SNX20: variants seen among roughly 807,000 people sequenced by gnomAD.
SNX20 encodes the protein sorting nexin 20.
SNX20 carries 21 observed loss-of-function variants against 24.5 expected under a neutral mutation model. The ratio of observed to expected loss-of-function variants is 0.86; its 90% CI spans 0.61 to 1.23. The LOEUF is 1.23. Among genes scored for constraint, SNX20 ranks in the 50% most tolerant of loss-of-function variants. SNX20 has a pLI of 0.00. For synonymous variants in SNX20, 206 were observed against 192.8 expected, an observed-to-expected ratio of 1.07 and a Z score of -0.57; for missense variants, 433 against 430.8, an observed-to-expected ratio of 1.00 and a Z score of -0.04.
chr16:50,669,197 T>C, downstream of SNX20: 4 of 861,746 alleles, frequency 4.6e-6, no homozygotes, highest in South Asian at 5.7e-5. Flanking sequence ...GTCAGTCCAT[T>C]TTGCATTGCT....
downstream of SNX20, chr16:50,669,015 C>T: frequency 6.4e-7 from 1 of 1,551,376 alleles, no homozygotes; most frequent in Non-Finnish European, 8.7e-7. Context: ...AATTTGGATG[C>T]AGGGTTATTC....
Position 50,673,291 on chromosome 16 carries a change from A to G in SNX20, c.*115T>C, listed in dbSNP as rs1381276630. 1 of 1,379,236 alleles carries G rather than the reference A, an allele frequency of 7.3e-7. No homozygotes were observed. Among genetic ancestry groups the G allele is most frequent in the African/African-American group, 1.5e-5 (1 of 66,406 alleles). 85.4% of individuals were successfully genotyped at this position (1,379,236 alleles called of 1,614,324 possible). On this transcript the variant is annotated 3_prime_UTR_variant, in exon 4 of 4. Coordinates refer to ENST00000330943, the MANE Select transcript of SNX20 (RefSeq NM_182854.4). The surrounding 1 kb of genome is among the most constrained non-coding windows in gnomAD (Gnocchi z 4.1). Reference sequence around the variant, plus strand: ...ACTTCAGTCTGGGTGACAGAGCAAGACTGTCTCAAATAACAAAAAAGAAAA... The same window carrying G: ...ACTTCAGTCTGGGTGACAGAGCAAGGCTGTCTCAAATAACAAAAAAGAAAA...
chr16:50,668,325 C>G, downstream of SNX20: 7 of 1,280,964 alleles, frequency 5.5e-6, no homozygotes, highest in Non-Finnish European at 7.1e-6. Context: ...TTGCAGGTCT[C>G]TAATGCTTAT....
chr16:50,678,825 C>T lies in SNX20; in HGVS notation c.-9-1290G>A, dbSNP rs540319558. Among the ~76,000 whole-genome samples the T allele has an allele frequency of 2.3e-4, 35 of 152,298 alleles. No individual in the cohort carries two copies. The South Asian group carries it at 2.9e-3, about 13-fold the overall frequency. ...AAATTGGGGATAATAACAGAACCCA[C>T]GTTCACAAGGCTGGGGTGAGGATTC... On this transcript the variant is annotated intron_variant, in intron 1 of 3. Coordinates refer to ENST00000330943, the MANE Select transcript of SNX20 (RefSeq NM_182854.4).
rs1180605223 is a variant in SNX20 at position 50,671,762 on chromosome 16, T to G, written c.*1644A>C. On this transcript the variant is annotated 3_prime_UTR_variant, in exon 4 of 4. Transcript: ENST00000330943. ...TTTTCCCTGGAGTAGATTGGGAGAT[T>G]TGAGGGATATCTGTCCAAAGATGAG... is the stretch of plus-strand genomic sequence containing the variant. 6.6e-6 allele frequency: 1 copy of G among 152,176 alleles called. No individual in the cohort carries two copies. Among genetic ancestry groups the G allele is most frequent in the Non-Finnish European group, 1.5e-5 (1 of 68,034 alleles). The allele number at this position is 152,176 out of a possible 1,614,324, so 9.4% of individuals were successfully genotyped here. A position where few individuals can be genotyped will look rare whatever the true frequency, so the allele number is the denominator to read the frequency against.
In SNX20 at chr16:50,673,822, C is replaced by A. The variant is rs759377980; in HGVS notation, c.535G>T (p.Glu179Ter). 21 of 1,596,886 alleles carry A rather than the reference C, an allele frequency of 1.3e-5. No individual in the cohort carries two copies. Among genetic ancestry groups the A allele is most frequent in the Non-Finnish European group, 1.8e-5 (21 of 1,176,716 alleles). The change falls in exon 4 of 4, where the codon GAG (glutamate) becomes TAG (stop). Residue 179 changes from glutamate (E) to a stop codon, truncating the protein, a stop_gained. Transcript: ENST00000330943. LOFTEE classifies it high-confidence loss of function. This position sits in a 1 kb window ranked among gnomAD's most constrained non-coding sequence, Gnocchi z 4.1. ...GGCCGCGTGAGGAAGTCCAGGAACT[C>A]CCGGGAGCGGCGCACGCAGCGGATG... ...YAIRCVRRSR[E>*]FLDFLTRPEL...
At chr16:50,669,215 A>T (rs1010246400), downstream of SNX20, 9 of 774,516 alleles carry the variant, frequency 1.2e-5, no homozygotes, top group Admixed American at 2.0e-5. Flanking sequence ...GCTATAAAGG[A>T]ATACCTGAGG....
downstream of SNX20, chr16:50,667,809 C>T: frequency 1.6e-6 from 1 of 614,112 alleles, no homozygotes; most frequent in Non-Finnish European, 2.9e-6. Flanking sequence ...CTGAACTGTG[C>T]CTCCCAGCCT....
In SNX20 at chr16:50,674,005, A is replaced by T; in HGVS notation, c.352T>A (p.Ser118Thr). ...NNKAVLERRYSDFAKLQKALL... is the reference protein window; with the variant it reads ...NNKAVLERRYTDFAKLQKALL... The stretch of plus-strand genomic sequence containing the variant: ...GCTTTCTGGAGCTTCGCGAAGTCGG[A>T]ATAGCGCCGTTCCAGGACGGCCTTG... The change falls in exon 4 of 4, where the codon TCC becomes ACC. Residue 118 changes from serine to threonine, a missense_variant. Ser to Thr is a moderately conservative substitution (Grantham distance 58). Coordinates refer to ENST00000330943, the MANE Select transcript of SNX20 (RefSeq NM_182854.4). 1 of 1,612,352 alleles carries T rather than the reference A, an allele frequency of 6.2e-7. No individual in the cohort carries two copies.
At chr16:50,678,649 G>C (rs1963234380) in intron 1 of SNX20, among the ~76,000 whole-genome samples, 5 of 152,250 alleles carry the variant, frequency 3.3e-5, no homozygotes, top group Admixed American at 3.3e-4. Context: ...AGGCTGGGCT[G>C]ACTTCAGAAT....
rs1963111647 is a variant in SNX20 at position 50,673,728 on chromosome 16, C to T, written c.629G>A (p.Arg210His). The T allele has an allele frequency of 1.3e-6, 2 of 1,501,000 alleles. No individual in the cohort carries two copies. Among genetic ancestry groups the T allele is most frequent in the East Asian group, 2.6e-5 (1 of 38,634 alleles). The allele number at this position is 1,501,000 out of a possible 1,614,324, so 93.0% of individuals were successfully genotyped here. The change falls in exon 4 of 4, where the codon CGC becomes CAC. Residue 210 changes from arginine (R) to histidine (H), a missense_variant. By Grantham distance (29) the Arg-to-His change is conservative. Coordinates refer to ENST00000330943, the MANE Select transcript of SNX20 (RefSeq NM_182854.4). This position sits in a 1 kb window ranked among gnomAD's most constrained non-coding sequence, Gnocchi z 4.1. The stretch of plus-strand genomic sequence containing the variant: ...GAGCTTCTCCTGCAGCGGCAGCACG[C>T]GCAGCAGCAGCTCCAGGGCGCGCGG... ...QYPRALELLL[R>H]VLPLQEKLTA...
chr16:50,669,391 C>T (rs1173019999), downstream of SNX20: 1 of 481,966 alleles, frequency 2.1e-6, no homozygotes, highest in Non-Finnish European at 3.7e-6. Flanking sequence ...GAGCAAGAGC[C>T]ATGTCAGGCT....
chr16:50,673,718 C>G lies in SNX20; in HGVS notation c.639G>C (p.Pro213=), dbSNP rs1481853105. 3 of 1,498,810 alleles carry G rather than the reference C, an allele frequency of 2.0e-6. No homozygotes were observed. Among genetic ancestry groups the G allele is most frequent in the East Asian group, 2.6e-5 (1 of 38,252 alleles). The allele number at this position is 1,498,810 out of a possible 1,614,324, so 92.8% of individuals were successfully genotyped here. The change falls in exon 4 of 4, where the codon CCG becomes CCC. Residue 213 remains proline, a synonymous_variant. Transcript: ENST00000330943. The surrounding 1 kb of genome is among the most constrained non-coding windows in gnomAD (Gnocchi z 4.1). ...AGTGGGCGGTGAGCTTCTCCTGCAGCGGCAGCACGCGCAGCAGCAGCTCCA... is the reference window on the plus strand; with the variant it reads ...AGTGGGCGGTGAGCTTCTCCTGCAGGGGCAGCACGCGCAGCAGCAGCTCCA... ...RALELLLRVL[P]LQEKLTAHCP... is the part of the protein sequence containing the mutation.
intron 3 of SNX20, among the ~76,000 whole-genome samples, 174 bp from the exon 4 acceptor site, chr16:50,674,248 TATTTATTTA>T (rs1288105958): frequency 6.6e-6 from 1 of 150,824 alleles, no homozygotes; most frequent in African/African-American, 2.5e-5. Context: ...TTTATTTATT[TATTTATTTA>T]TTTATTTTTA....
At chr16:50,669,193 C>A, downstream of SNX20, 1 of 892,456 alleles carries the variant, frequency 1.1e-6, no homozygotes, top group Middle Eastern at 2.1e-4. Flanking sequence ...GCGTGTCAGT[C>A]CATTTTGCAT....
chr16:50,669,023 T>G, downstream of SNX20: 1 of 1,551,804 alleles, frequency 6.4e-7, no homozygotes, highest in Non-Finnish European at 8.7e-7. Context: ...TGCAGGGTTA[T>G]TCTGTGTGTG....
At position 50,673,336 on chromosome 16, in the gene SNX20, ACCCC is replaced by A; in HGVS notation, c.*66_*69del. ...AGAAAAGGAAAAATAAAAAAAAAGAACCCCAAACAGCCCACTGTGAGCCATGGTG... is the reference window on the plus strand; with the variant it reads ...AGAAAAGGAAAAATAAAAAAAAAGAAAAACAGCCCACTGTGAGCCATGGTG... On this transcript the variant is annotated 3_prime_UTR_variant, in exon 4 of 4. Transcript: ENST00000330943. This position sits in a 1 kb window ranked among gnomAD's most constrained non-coding sequence, Gnocchi z 4.1. The A allele has an allele frequency of 7.1e-7, 1 of 1,398,824 alleles. No individual in the cohort carries two copies. The highest frequency in any genetic ancestry group is 2.7e-5 in the East Asian group (1 of 36,758). 86.7% of individuals were successfully genotyped at this position (1,398,824 alleles called of 1,614,324 possible).
At chr16:50,677,945 G>A (rs1427557201) in intron 1 of SNX20, among the ~76,000 whole-genome samples, 2 of 152,164 alleles carry the variant, frequency 1.3e-5, no homozygotes, top group South Asian at 4.1e-4. Flanking sequence ...GGCCACTCAT[G>A]CCTGTAATCC....
chr16:50,669,587 C>A, downstream of SNX20: 1 of 156,358 alleles, frequency 6.4e-6, no homozygotes, highest in South Asian at 1.9e-4. Flanking sequence ...GCATCCAAAC[C>A]ATATCAAGGA....
Sources: allele counts gnomAD v4.1 joint callset (sites outside exome capture counted in the v4.1 genomes callset), GRCh38; gene constraint gnomAD v4.1.1; non-coding constraint Gnocchi (gnomAD v3.1); transcripts MANE v1.5; gene names NCBI Gene and HGNC (gene_info 2026-07-23, HGNC 2026-07-21).